The following ANKUB1 variants were observed in gnomAD, a reference collection of about 807,000 sequenced individuals.
The protein encoded by ANKUB1 is ankyrin repeat and ubiquitin domain containing 1.
Under a neutral mutation model 49.3 loss-of-function variants are expected in ANKUB1, and 42 were observed. The observed-to-expected ratio is 0.85, with a 90% CI of 0.67 to 1.10. ANKUB1 has a LOEUF of 1.10. Among genes scored for constraint, ANKUB1 ranks in the 50% least tolerant of loss-of-function variants. ANKUB1 has a pLI of 0.00. For synonymous variants in ANKUB1, 222 were observed against 231.0 expected (o/e 0.96, Z 0.35); for missense variants, 613 against 642.0 (o/e 0.95, Z 0.49).
chr3:149,788,428 G>T (rs904082270), intron 2 of ANKUB1, among the ~76,000 whole-genome samples: 1 of 151,794 alleles, frequency 6.6e-6, no homozygotes, highest in African/African-American at 2.4e-5. Context: ...TCTTGCACAG[G>T]CTGGGTTCAA....
rs1265840218 is a variant in ANKUB1, at chr3:149,767,350, C to T, written c.1312G>A (p.Glu438Lys). 6.5e-7 allele frequency: 1 copy of T among 1,549,746 alleles called. No individual in the cohort carries two copies. Among genetic ancestry groups the T allele is most frequent in the South Asian group, 1.2e-5 (1 of 83,488 alleles). The change falls in exon 5 of 6, where the codon GAA becomes AAA. Residue 438 changes from glutamate (E) to lysine (K), a missense_variant. Coordinates refer to ENST00000446160, the MANE Select transcript of ANKUB1 (RefSeq NM_001144960.3). ...KKITATARKK[E>K]KLIKNTYLPQ... ...AGATATGTGTTTTTTATGAGCTTTT[C>T]TTTTTTCCTAGCTGTGGCAGTAATT...
At chr3:149,772,514 G>T (rs1341197223) in intron 3 of ANKUB1, among the ~76,000 whole-genome samples, 1 of 152,182 alleles carries the variant, frequency 6.6e-6, no homozygotes, top group Non-Finnish European at 1.5e-5. Context: ...TCAGGTCTCT[G>T]CTCAATGTTG....
In ANKUB1 at chr3:149,780,357, A is replaced by G. The variant is rs1294522601; in HGVS notation, c.333T>C (p.Asp111=). 6.4e-7 allele frequency: 1 copy of G among 1,551,884 alleles called. No individual in the cohort carries two copies. Among genetic ancestry groups the G allele is most frequent in the East Asian group, 2.4e-5 (1 of 40,944 alleles). Reference sequence around the variant, plus strand: ...ATCTCAGAGTTACCAGTGTTCTCAGATCAGACACTGTTTTATCAAGAAGGG... The same window carrying G: ...ATCTCAGAGTTACCAGTGTTCTCAGGTCAGACACTGTTTTATCAAGAAGGG... ...SISLLDKTVS[D]LRTLVTLRCG... is the part of the protein sequence containing the mutation. Residue 111 remains aspartate, a synonymous_variant, in exon 3 of 6, where the codon GAT becomes GAC. Transcript: ENST00000446160.
At chr3:149,779,999 G>A (rs1717784117) in intron 3 of ANKUB1, 1 of 502,590 alleles carries the variant, frequency 2.0e-6, no homozygotes. Context: ...TGCCTGTGAG[G>A]AGGGAACTAA....
At chr3:149,764,012 G>A (rs983455520) in intron 5 of ANKUB1, 2 of 456,210 alleles carry the variant, frequency 4.4e-6, no homozygotes, top group Admixed American at 2.3e-5. Flanking sequence ...AACATCTGAT[G>A]GTCACTTTAC....
At chr3:149,769,698 G>A (rs1436553202) in intron 4 of ANKUB1, among the ~76,000 whole-genome samples, 1 of 152,118 alleles carries the variant, frequency 6.6e-6, no homozygotes, top group African/African-American at 2.4e-5. Flanking sequence ...ATGCTGTACT[G>A]AAAATGAAAA....
At chr3:149,791,618 C>T (rs1473723609) in intron 1 of ANKUB1, among the ~76,000 whole-genome samples, 1 of 152,042 alleles carries the variant, frequency 6.6e-6, no homozygotes, top group African/African-American at 2.4e-5. Flanking sequence ...TCAGTAAATG[C>T]CGCTTAGCAA....
At chr3:149,763,766 G>A (rs1258536581) in intron 5 of ANKUB1, among the ~76,000 whole-genome samples, 1 of 152,154 alleles carries the variant, frequency 6.6e-6, no homozygotes, top group Non-Finnish European at 1.5e-5. Context: ...GAGACTCTAT[G>A]TGACCTTCTG....
rs552031246 is a variant in ANKUB1, at chr3:149,777,269, G to C, written c.451+2970C>G. Among the ~76,000 whole-genome samples, 13 of 152,022 alleles carry C rather than the reference G, an allele frequency of 8.6e-5. No homozygotes were observed. In the East Asian group the frequency reaches 2.0e-3, roughly 23 times the overall value. ...CGGGCAGATCAGAAGATCAGGAGAT[G>C]GAGACCATCCTGGCCAACAGGGTGA... On this transcript the variant is annotated intron_variant, in intron 3 of 5. Coordinates refer to ENST00000446160, the MANE Select transcript of ANKUB1 (RefSeq NM_001144960.3).
chr3:149,767,497 G>A lies in ANKUB1; in HGVS notation c.1165C>T (p.Pro389Ser), dbSNP rs1717090596. 1 of 1,551,700 alleles carries A rather than the reference G, an allele frequency of 6.4e-7. No homozygotes were observed. Among genetic ancestry groups the A allele is most frequent in the Non-Finnish European group, 8.7e-7 (1 of 1,147,002 alleles). ...SLSKQTASSKPVNPLAISQPD... is the reference protein window; with the variant it reads ...SLSKQTASSKSVNPLAISQPD... ...TGTGAAATTGCCAAAGGATTGACAGGTTTGCTGCTTGCAGTTTGTTTGCTG... is the reference window on the plus strand; with the variant it reads ...TGTGAAATTGCCAAAGGATTGACAGATTTGCTGCTTGCAGTTTGTTTGCTG... Residue 389 changes from proline (P) to serine (S), a missense_variant, in exon 5 of 6, where the codon CCT (proline) becomes TCT (serine). Transcript: ENST00000446160.
chr3:149,773,781 C>G (rs766172356), intron 3 of ANKUB1, among the ~76,000 whole-genome samples: 5 of 152,074 alleles, frequency 3.3e-5, no homozygotes, highest in Non-Finnish European at 7.3e-5. Flanking sequence ...CCTCCTTAGT[C>G]CTCCACAGCC....
chr3:149,790,529 T>C (rs1576686133), intron 2 of ANKUB1, among the ~76,000 whole-genome samples: 1 of 152,140 alleles, frequency 6.6e-6, no homozygotes. Flanking sequence ...ATGACAGGAC[T>C]GGGCAGGCAA....
At chr3:149,780,568 A>G (rs2108275138) in intron 2 of ANKUB1, 113 bp from the exon 3 acceptor site, 1 of 753,794 alleles carries the variant, frequency 1.3e-6, no homozygotes, top group South Asian at 1.7e-5. Context: ...GTTAATGTGA[A>G]AGCAATAGTC....
chr3:149,768,384 C>A (rs1576669800), intron 4 of ANKUB1, among the ~76,000 whole-genome samples: 3 of 151,962 alleles, frequency 2.0e-5, no homozygotes, highest in Admixed American at 2.0e-4. Flanking sequence ...ATACAAGGAG[C>A]TTTTAAGTCT....
chr3:149,763,166 T>C (rs1021328029), intron 5 of ANKUB1, among the ~76,000 whole-genome samples: 2 of 152,196 alleles, frequency 1.3e-5, no homozygotes, highest in Non-Finnish European at 2.9e-5. Flanking sequence ...CTAAACTGAG[T>C]TAACCCATCC....
At chr3:149,779,397 T>C (rs13091511) in intron 3 of ANKUB1, 48,521 of 151,916 alleles carry the variant, frequency 0.32, 9,368 homozygotes, top group East Asian at 0.61. Flanking sequence ...CTTGAACTAC[T>C]GAGCTCAAGT....
intron 3 of ANKUB1, among the ~76,000 whole-genome samples, chr3:149,775,258 T>A (rs1717542168): frequency 6.6e-6 from 1 of 152,214 alleles, no homozygotes; most frequent in South Asian, 2.1e-4. Flanking sequence ...GGACTTTTTC[T>A]TCCTGAATAT....
chr3:149,790,862 A>G lies in ANKUB1; in HGVS notation c.153T>C (p.Tyr51=). The G allele has an allele frequency of 6.4e-7, 1 of 1,552,278 alleles. No homozygotes were observed. Among genetic ancestry groups the G allele is most frequent in the South Asian group, 1.2e-5 (1 of 84,050 alleles). Residue 51 remains tyrosine, a synonymous_variant, in exon 2 of 6, where the codon TAT becomes TAC. Transcript: ENST00000446160. ...KQGRRYLELM[Y]AGAALKDSWS... Reference sequence around the variant, plus strand: ...AACTGTCCTTTAGAGCAGCTCCAGCATACATTAACTCCAGATACCGCCTGC... The same window carrying G: ...AACTGTCCTTTAGAGCAGCTCCAGCGTACATTAACTCCAGATACCGCCTGC...
At chr3:149,781,985 G>A (rs1039973532) in intron 2 of ANKUB1, among the ~76,000 whole-genome samples, 13 of 152,216 alleles carry the variant, frequency 8.5e-5, no homozygotes, top group East Asian at 1.9e-4. Context: ...TTGCCACGCC[G>A]TGCTTTCCTA....
Sources: gnomAD v4.1 joint callset for allele counts (sites outside exome capture counted in the v4.1 genomes callset) on GRCh38, gnomAD v4.1.1 for gene constraint, MANE v1.5 for transcripts, NCBI Gene and HGNC (gene_info 2026-07-23, HGNC 2026-07-21) for gene names.